IMMP2L: variants seen among roughly 807,000 people sequenced by gnomAD.
The protein encoded by IMMP2L is mitochondrial inner membrane protease subunit 2.
Under a neutral mutation model 19.3 loss-of-function variants are expected in IMMP2L, and 18 were observed. That is an observed-to-expected ratio of 0.93 (90% confidence interval 0.64 to 1.38). The LOEUF is 1.38. Ranked by LOEUF, IMMP2L falls within the 40% of genes most tolerant of loss-of-function variation. The pLI, the probability that IMMP2L is intolerant of heterozygous loss-of-function variation, is 0.00. For synonymous variants in IMMP2L, 76 were observed against 73.0 expected, an observed-to-expected ratio of 1.04 and a Z score of -0.21; for missense variants, 233 against 218.2, an observed-to-expected ratio of 1.07 and a Z score of -0.43.
At chr7:111,048,855 T>G (rs953376188) in intron 3 of IMMP2L, among the ~76,000 whole-genome samples, 17 of 152,126 alleles carry the variant, frequency 1.1e-4, no homozygotes, top group African/African-American at 3.6e-4. Context: ...TAGATGCTCA[T>G]GTACTGCAGG....
At chr7:111,492,583 A>C (rs559573636) in intron 2 of IMMP2L, among the ~76,000 whole-genome samples, 1 of 152,324 alleles carries the variant, frequency 6.6e-6, no homozygotes, top group African/African-American at 2.4e-5. Flanking sequence ...TTGGTGTTCC[A>C]ACAATGGGGA....
At chr7:111,163,340 TAA>T (rs1025521018) in intron 3 of IMMP2L, among the ~76,000 whole-genome samples, 3 of 152,116 alleles carry the variant, frequency 2.0e-5, no homozygotes, top group Admixed American at 2.0e-4. Context: ...CCCTGGCCTC[TAA>T]AAAGTCTCCA....
intron 3 of IMMP2L, among the ~76,000 whole-genome samples, chr7:110,982,058 A>G (rs1180498166): frequency 2.0e-4 from 30 of 152,170 alleles, no homozygotes. Flanking sequence ...GATCTTTTTC[A>G]AAGACTTTTT....
chr7:110,768,221 G>A (rs111780256), intron 5 of IMMP2L, among the ~76,000 whole-genome samples: 1 of 338 alleles, frequency 3.0e-3, no homozygotes, highest in African/African-American at 6.6e-3. Flanking sequence ...CAGCAGAAAC[G>A]TGAAAAACGG....
rs551332969 is a variant in IMMP2L at position 110,970,707 on chromosome 7, A to T, written c.240-7142T>A. Among the ~76,000 whole-genome samples the T allele has an allele frequency of 2.6e-5, 4 of 152,276 alleles. No individual in the cohort carries two copies. In the South Asian group the frequency reaches 8.3e-4, roughly 32 times the overall value. On this transcript the variant is annotated intron_variant, in intron 3 of 5. Coordinates refer to ENST00000405709, the MANE Select transcript of IMMP2L (RefSeq NM_032549.4). ...ACCACCGCTCTGTTCCCAAAGATGG[A>T]CATGCACTCGGAAGCATTCTTTCCC...
intron 3 of IMMP2L, among the ~76,000 whole-genome samples, chr7:111,161,358 A>G (rs1268968498): frequency 6.6e-6 from 1 of 151,996 alleles, no homozygotes; most frequent in Non-Finnish European, 1.5e-5. Flanking sequence ...TAAAAATAAA[A>G]TCCAGTGATA....
chr7:110,790,041 C>T (rs907323845), intron 5 of IMMP2L, among the ~76,000 whole-genome samples: 2 of 151,676 alleles, frequency 1.3e-5, no homozygotes, highest in Non-Finnish European at 1.5e-5. Context: ...TGTCATCCTC[C>T]TGTAGGATGA....
chr7:111,316,182 T>A (rs1824052631), intron 3 of IMMP2L, among the ~76,000 whole-genome samples: 1 of 152,138 alleles, frequency 6.6e-6, no homozygotes. Context: ...ATCACTGACA[T>A]TATGCAGTGG....
At chr7:111,026,625 A>G (rs1826854650) in intron 3 of IMMP2L, among the ~76,000 whole-genome samples, 1 of 152,196 alleles carries the variant, frequency 6.6e-6, no homozygotes, top group Admixed American at 6.6e-5. Flanking sequence ...GTAGTTCAGA[A>G]AAACATAAAT....
At chr7:111,039,474 G>A (rs1791672106) in intron 3 of IMMP2L, among the ~76,000 whole-genome samples, 1 of 152,050 alleles carries the variant, frequency 6.6e-6, no homozygotes, top group Admixed American at 6.5e-5. Context: ...TGCCATGTTT[G>A]GTAAAGCTTA....
intron 3 of IMMP2L, among the ~76,000 whole-genome samples, chr7:111,249,438 T>G (rs1330840169): frequency 6.7e-6 from 1 of 149,020 alleles, no homozygotes; most frequent in African/African-American, 2.5e-5. Context: ...CCTAGTGAGA[T>G]GAACCCGGTA....
chr7:111,522,939 T>TATATATATATATATATATATATA (rs1563308511), intron 1 of IMMP2L, among the ~76,000 whole-genome samples: 8 of 108,008 alleles, frequency 7.4e-5, no homozygotes, highest in Admixed American at 5.8e-4. Context: ...ATATATATAT[T>TATATATATATATATATATATATA]ATTTCACCAT....
At position 111,007,130 on chromosome 7, in the gene IMMP2L, G is replaced by T. The variant is rs142108080; in HGVS notation, c.240-43565C>A. 1.4e-4 allele frequency among the ~76,000 whole-genome samples: 21 copies of T among 152,190 alleles called. No individual in the cohort carries two copies. The East Asian group carries it at 4.1e-3, about 29-fold the overall frequency. On this transcript the variant is annotated intron_variant, in intron 3 of 5. Transcript: ENST00000405709. ...CCTCAGGAAGCTTACAATCATGGCA[G>T]AAAGGGAAGCACGCACCTTCTTCAC...
chr7:111,254,855 T>C (rs1485897412), intron 3 of IMMP2L, among the ~76,000 whole-genome samples: 1 of 152,124 alleles, frequency 6.6e-6, no homozygotes, highest in Non-Finnish European at 1.5e-5. Flanking sequence ...CAACCTGTGT[T>C]GTTCAAAGGT....
rs376636149 is a variant in IMMP2L at position 111,426,426 on chromosome 7, A to G, written c.239+60812T>C. ...CCACTGAGAGGTTTTTTGCAATAAC[A>G]TGTTTTCCCTGGAACTCACTTTGGG... On this transcript the variant is annotated intron_variant, in intron 3 of 5. Transcript: ENST00000405709. 1.1e-4 allele frequency among the ~76,000 whole-genome samples: 16 copies of G among 150,870 alleles called. No individual in the cohort carries two copies. The East Asian group carries it at 2.5e-3, about 24-fold the overall frequency.
intron 3 of IMMP2L, among the ~76,000 whole-genome samples, chr7:111,344,415 C>A (rs1003155500): frequency 5.9e-5 from 9 of 152,142 alleles, no homozygotes. Context: ...AATAGACTTT[C>A]CTTGGACACC....
intron 3 of IMMP2L, among the ~76,000 whole-genome samples, chr7:111,332,538 C>T (rs1825980944): frequency 6.6e-6 from 1 of 151,786 alleles, no homozygotes; most frequent in Admixed American, 6.6e-5. Context: ...AAAACAAAAA[C>T]TATAAGAGAT....
chr7:111,522,926 C>CATATATATATATATATGTAT (rs148789480), intron 1 of IMMP2L, among the ~76,000 whole-genome samples: 19 of 134,892 alleles, frequency 1.4e-4, no homozygotes, highest in African/African-American at 3.8e-4. Flanking sequence ...ATGTGAGATA[C>CATATATATATATATATGTAT]ATATATATAT....
chr7:110,690,798 A>G (rs1256904087), intron 5 of IMMP2L, among the ~76,000 whole-genome samples: 4 of 152,090 alleles, frequency 2.6e-5, no homozygotes, highest in Non-Finnish European at 5.9e-5. Context: ...AGAACTATAA[A>G]ACACTGCTAA....
Sources: gnomAD v4.1 joint callset for allele counts (sites outside exome capture counted in the v4.1 genomes callset) on GRCh38, gnomAD v4.1.1 for gene constraint, MANE v1.5 for transcripts, NCBI Gene and HGNC (gene_info 2026-07-23, HGNC 2026-07-21) for gene names.